The following FAM228B variants were observed in gnomAD, a reference collection of about 807,000 sequenced individuals.
FAM228B encodes the protein family with sequence similarity 228 member B, also known as protein FAM228B.
A neutral mutation model predicts 42.6 loss-of-function variants in FAM228B; 38 were observed. The ratio of observed to expected loss-of-function variants is 0.89; its 90% CI spans 0.69 to 1.17. The LOEUF (loss-of-function observed/expected upper bound fraction) is 1.17. FAM228B is among the 50% of genes most tolerant of loss of function. The pLI is 0.00. For missense variants in FAM228B, 344 were observed against 367.3 expected, an observed-to-expected ratio of 0.94 and a Z score of 0.52; for synonymous variants, 109 against 122.3, an observed-to-expected ratio of 0.89 and a Z score of 0.72.
At chr2:24,149,219 C>T (rs1028891313) in intron 7 of FAM228B, among the ~76,000 whole-genome samples, 2 of 152,148 alleles carry the variant, frequency 1.3e-5, no homozygotes, top group Non-Finnish European at 2.9e-5. Context: ...AGACTGATTT[C>T]CTTTCTTTTG....
chr2:24,081,782 C>G (rs1347008917), intron 2 of FAM228B, among the ~76,000 whole-genome samples: 3 of 149,944 alleles, frequency 2.0e-5, no homozygotes, highest in Admixed American at 6.7e-5. Context: ...TCTGCCCCAC[C>G]CCCCCTGCGT....
chr2:24,114,335 C>T (rs955660356), intron 3 of FAM228B, among the ~76,000 whole-genome samples: 7 of 152,136 alleles, frequency 4.6e-5, no homozygotes, highest in Admixed American at 6.6e-5. Context: ...CTAGGGTCTC[C>T]GTGGCCATGC....
Position 24,077,656 on chromosome 2 carries a change from T to G in FAM228B, c.-290+687T>G. 1.2e-6 allele frequency: 2 copies of G among 1,613,986 alleles called. No individual in the cohort carries two copies. Among genetic ancestry groups the G allele is most frequent in the Non-Finnish European group, 1.7e-6 (2 of 1,179,968 alleles). ...TACTTATGGGCCTCCTGGATTTCGG[T>G]CACTGGGTAGATTCTGTCCAGAACC... is the stretch of plus-strand genomic sequence containing the variant. On this transcript the variant is annotated intron_variant, in intron 1 of 10. Transcript: ENST00000613899. This position sits in a 1 kb window ranked among gnomAD's most constrained non-coding sequence, Gnocchi z 5.5.
chr2:24,127,043 T>C (rs1666329461), intron 2 of FAM228B, among the ~76,000 whole-genome samples: 1 of 152,156 alleles, frequency 6.6e-6, no homozygotes, highest in South Asian at 2.1e-4. Context: ...CACCACTATC[T>C]AATTCCAGAA....
intron 2 of FAM228B, among the ~76,000 whole-genome samples, chr2:24,089,836 G>A (rs1665345293): frequency 6.6e-6 from 1 of 152,086 alleles, no homozygotes; most frequent in South Asian, 2.1e-4. Flanking sequence ...TTAGCCAGGT[G>A]TGGTGGCGCA....
chr2:24,157,965 A>G (rs1667192008), intron 7 of FAM228B, among the ~76,000 whole-genome samples: 1 of 151,946 alleles, frequency 6.6e-6, no homozygotes, highest in Non-Finnish European at 1.5e-5. Context: ...ACTTTCCCTT[A>G]TGTTACATGG....
intron 9 of FAM228B, among the ~76,000 whole-genome samples, 162 bp from the exon 10 acceptor site, chr2:24,167,465 C>T (rs562593634): frequency 6.6e-6 from 1 of 152,210 alleles, no homozygotes; most frequent in South Asian, 2.1e-4. Context: ...TGAACTCTTC[C>T]CCTCACTGTC....
intron 3 of FAM228B, among the ~76,000 whole-genome samples, chr2:24,100,745 C>T (rs1478033476): frequency 6.6e-6 from 1 of 152,176 alleles, no homozygotes. Flanking sequence ...TCATTTGACC[C>T]AGCAATCCCA....
At chr2:24,100,651 T>C (rs1665589365) in intron 3 of FAM228B, among the ~76,000 whole-genome samples, 1 of 152,206 alleles carries the variant, frequency 6.6e-6, no homozygotes, top group Non-Finnish European at 1.5e-5. Flanking sequence ...AGGAATGCTT[T>C]TACACTGTTG....
At chr2:24,160,408 C>G (rs921952834) in intron 7 of FAM228B, among the ~76,000 whole-genome samples, 6 of 151,998 alleles carry the variant, frequency 3.9e-5, no homozygotes, top group African/African-American at 1.2e-4. Context: ...TTAAATATTG[C>G]TTTTTCTTCA....
At position 24,144,192 on chromosome 2, in the gene FAM228B, AC is replaced by A. The variant is rs933090286; in HGVS notation, c.442-2554del. Among the ~76,000 whole-genome samples, 75 of 152,152 alleles carry A rather than the reference AC, an allele frequency of 4.9e-4. 1 individual carries two copies. Among genetic ancestry groups the A allele is most frequent in the Non-Finnish European group, 1.5e-4 (10 of 68,022 alleles). ...CATGGTGGCTCATGCCTGTAATCCC[AC>A]CACTTTAGAGGCTGAGGTGGGAGGA... is the stretch of plus-strand genomic sequence containing the variant. On this transcript the variant is annotated intron_variant, in intron 5 of 10. Coordinates refer to ENST00000615575, the MANE Select transcript of FAM228B (RefSeq NM_001145710.2).
chr2:24,104,539 T>C (rs1020489448), intron 3 of FAM228B, among the ~76,000 whole-genome samples: 2 of 152,160 alleles, frequency 1.3e-5, no homozygotes, highest in African/African-American at 4.8e-5. Flanking sequence ...CCACCACTGG[T>C]AGCCAGGCGG....
At position 24,108,273 on chromosome 2, in the gene FAM228B, G is replaced by A. The variant is rs924197570; in HGVS notation, c.-121+13044G>A. Among the ~76,000 whole-genome samples the A allele has an allele frequency of 5.9e-5, 9 of 152,036 alleles. No individual in the cohort carries two copies. In the East Asian group the frequency reaches 7.7e-4, roughly 13 times the overall value. On this transcript the variant is annotated intron_variant, in intron 3 of 10. Coordinates refer to the FAM228B transcript ENST00000613899. ...AATAATGAGTTCTGAAATTGAATTA[G>A]TAATAAAAAGCCCACCAACCAAAAC...
In FAM228B at chr2:24,080,022, A is replaced by G. The variant is rs896618731; in HGVS notation, c.-289-854A>G. 5.9e-5 allele frequency among the ~76,000 whole-genome samples: 9 copies of G among 152,326 alleles called. No individual in the cohort carries two copies. Among genetic ancestry groups the G allele is most frequent in the Middle Eastern group, 3.4e-3 (1 of 294 alleles). On this transcript the variant is annotated intron_variant, in intron 1 of 10. Transcript: ENST00000613899. The surrounding 1 kb of genome is among the most constrained non-coding windows in gnomAD (Gnocchi z 4.7). The stretch of plus-strand genomic sequence containing the variant: ...GTCCGCACTAGGTTATTGGAATCAT[A>G]GGCTTTCTAGCTTTGGTTTCATCTC...
rs77069337 is a variant in FAM228B, at chr2:24,134,373, C to T, written c.100-746C>T. On this transcript the variant is annotated intron_variant, in intron 2 of 10. Coordinates refer to ENST00000615575, the MANE Select transcript of FAM228B (RefSeq NM_001145710.2). ...TGTATAGAGTTTGCCTTAGGTGGCA[C>T]TAAGCTTTTAGTGAAACTGTTGACA... Among the ~76,000 whole-genome samples the T allele has an allele frequency of 2.4e-3, 370 of 152,316 alleles. 15 individuals are homozygous for T. In the East Asian group the frequency reaches 0.063, roughly 26 times the overall value.
At chr2:24,138,396 C>T (rs1197190971) in intron 4 of FAM228B, among the ~76,000 whole-genome samples, 3 of 152,078 alleles carry the variant, frequency 2.0e-5, no homozygotes, top group South Asian at 2.1e-4. Context: ...AGTGCAATGG[C>T]ACGATCTTGG....
chr2:24,079,530 C>T, intron 1 of FAM228B: 1 of 1,614,100 alleles, frequency 6.2e-7, no homozygotes, highest in African/African-American at 1.3e-5. Context: ...TTGATGTCAC[C>T]TCCTCCCATC....
intron 2 of FAM228B, among the ~76,000 whole-genome samples, chr2:24,089,187 A>G (rs184453669): frequency 1.2e-4 from 18 of 152,234 alleles, no homozygotes; most frequent in African/African-American, 4.1e-4. Flanking sequence ...CATCTCTACT[A>G]AAAATGCAAA....
At chr2:24,111,851 TC>T (rs1246357182) in intron 3 of FAM228B, among the ~76,000 whole-genome samples, 1 of 149,414 alleles carries the variant, frequency 6.7e-6, no homozygotes, top group Non-Finnish European at 1.5e-5. Context: ...TACATACAAC[TC>T]CCATCTGCCA....
Sources: gnomAD v4.1 joint callset for allele counts (sites outside exome capture counted in the v4.1 genomes callset) on GRCh38, gnomAD v4.1.1 for gene constraint, Gnocchi (gnomAD v3.1) non-coding constraint, MANE v1.5 for transcripts, NCBI Gene and HGNC (gene_info 2026-07-23, HGNC 2026-07-21) for gene names.